Variants in MRPL3 observed in about 807,000 individuals in gnomAD.
MRPL3 encodes the protein large ribosomal subunit protein uL3m.
In MRPL3, 43 loss-of-function variants were observed where a neutral mutation model predicts 44.3. The observed-to-expected ratio is 0.97, with a 90% CI of 0.76 to 1.25. The LOEUF (loss-of-function observed/expected upper bound fraction) is 1.25, where lower values mean the gene tolerates loss of function less well. Ranked by LOEUF, MRPL3 falls within the 50% of genes most tolerant of loss-of-function variation. MRPL3 has a pLI of 0.00. For missense variants in MRPL3, 406 were observed against 427.6 expected (o/e 0.95, Z 0.45); for synonymous variants, 171 against 152.3 (o/e 1.12, Z -0.91).
intron 4 of MRPL3, among the ~76,000 whole-genome samples, chr3:131,495,930 G>A (rs1341961895): frequency 1.3e-5 from 2 of 152,106 alleles, no homozygotes; most frequent in South Asian, 2.1e-4. Context: ...TGTTCAAAAG[G>A]TGAGTATAGG....
chr3:131,482,429 G>A (rs1934011123), intron 6 of MRPL3, among the ~76,000 whole-genome samples: 2 of 151,920 alleles, frequency 1.3e-5, no homozygotes, highest in Admixed American at 1.3e-4. Flanking sequence ...GCAGGAGAAT[G>A]GCGTGAACCT....
In MRPL3 at chr3:131,490,106, T is replaced by C. The variant is rs529958409; in HGVS notation, c.469-26A>G. The C allele has an allele frequency of 1.7e-5, 25 of 1,454,950 alleles. No individual in the cohort carries two copies. In the East Asian group the frequency reaches 5.7e-4, roughly 33 times the overall value. 90.1% of individuals were successfully genotyped at this position (1,454,950 alleles called of 1,614,324 possible). On this transcript the variant is annotated intron_variant, in intron 4 of 9. Coordinates refer to ENST00000264995, the MANE Select transcript of MRPL3 (RefSeq NM_007208.4). ...CTAGAGGAAAAGCAGCACATATAAG[T>C]AATACATTGAATATTAAAAGTGGAA...
At chr3:131,481,212 A>C (rs1287860340) in intron 6 of MRPL3, among the ~76,000 whole-genome samples, 1 of 152,238 alleles carries the variant, frequency 6.6e-6, no homozygotes, top group Non-Finnish European at 1.5e-5. Flanking sequence ...GTTACATAAA[A>C]TATAAAGGCA....
At chr3:131,470,217 C>T (rs958831426) in intron 7 of MRPL3, among the ~76,000 whole-genome samples, 5 of 152,122 alleles carry the variant, frequency 3.3e-5, no homozygotes, top group African/African-American at 7.2e-5. Context: ...ATGTTACTTT[C>T]CTTGACCAAA....
rs368578959 is a variant in MRPL3 at position 131,487,433 on chromosome 3, G to C, written c.629+247C>G. On this transcript the variant is annotated intron_variant, in intron 6 of 9. Coordinates refer to ENST00000264995, the MANE Select transcript of MRPL3 (RefSeq NM_007208.4). ...CTGCACGTTGTGCACATGTACCCTA[G>C]AACTTAAAGTATAATAAAAAAAAAA... The C allele has an allele frequency of 1.1e-4, 39 of 363,934 alleles. No individual in the cohort carries two copies. In the South Asian group the frequency reaches 1.1e-3, roughly 11 times the overall value. 22.5% of individuals were successfully genotyped at this position (363,934 alleles called of 1,614,324 possible). A position where few individuals can be genotyped will look rare whatever the true frequency, so the allele number is the denominator to read the frequency against.
chr3:131,471,290 CAAACGTTAGAATTTACATAATG>C lies in MRPL3; in HGVS notation c.630-33_630-12del. The C allele has an allele frequency of 6.4e-7, 1 of 1,566,364 alleles. No homozygotes were observed. The highest frequency in any genetic ancestry group is 8.8e-7 in the Non-Finnish European group (1 of 1,136,766). ...AAACCTTTACCAATACTGAACAAAACAAACGTTAGAATTTACATAATGAAAAGAGCATAGACCATTCCCAATT... is the reference window on the plus strand; with the variant it reads ...AAACCTTTACCAATACTGAACAAAACAAAAGAGCATAGACCATTCCCAATT... On this transcript the variant is annotated splice_polypyrimidine_tract_variant and intron_variant, in intron 6 of 9. Transcript: ENST00000264995.
At chr3:131,497,929 A>T in intron 4 of MRPL3, 1 of 486,224 alleles carries the variant, frequency 2.1e-6, no homozygotes, top group Non-Finnish European at 3.6e-6. Flanking sequence ...CATTGTACAG[A>T]TATACAAGCA....
chr3:131,500,544 T>C, intron 2 of MRPL3, 23 bp from the exon 3 acceptor site: 1 of 1,596,140 alleles, frequency 6.3e-7, no homozygotes, highest in Non-Finnish European at 8.6e-7. Context: ...ACCAAAGCAA[T>C]GTGAACAAAA....
chr3:131,477,526 G>A lies in MRPL3; in HGVS notation c.630-6247C>T, dbSNP rs115864421. ...CAGTTTTTTATTATGGAAGTTTTAC[G>A]GAATATTCAGGAGCAGAGAGATTAA... On this transcript the variant is annotated intron_variant, in intron 6 of 9. Transcript: ENST00000264995. Among the ~76,000 whole-genome samples, 1,372 of 152,206 alleles carry A rather than the reference G, an allele frequency of 9.0e-3. 19 individuals carry two copies. The highest frequency in any genetic ancestry group is 0.03 in the African/African-American group (1,249 of 41,510).
intron 8 of MRPL3, among the ~76,000 whole-genome samples, chr3:131,469,282 T>G (rs965949121): frequency 6.6e-5 from 10 of 150,848 alleles, no homozygotes; most frequent in Admixed American, 6.6e-4. Flanking sequence ...ACCTGGTATA[T>G]ACCCTTCCAC....
Position 131,491,302 on chromosome 3 carries a change from T to C in MRPL3, c.469-1222A>G, listed in dbSNP as rs372132864. 1.6e-3 allele frequency among the ~76,000 whole-genome samples: 245 copies of C among 152,258 alleles called. 1 individual carries two copies. Among genetic ancestry groups the C allele is most frequent in the African/African-American group, 5.4e-3 (223 of 41,536 alleles). ...ACTGGTTGATACTCATTTTACTGAATCTACCAGCAATGCTTAACACAGGTG... is the reference window on the plus strand; with the variant it reads ...ACTGGTTGATACTCATTTTACTGAACCTACCAGCAATGCTTAACACAGGTG... On this transcript the variant is annotated intron_variant, in intron 4 of 9. Coordinates refer to ENST00000264995, the MANE Select transcript of MRPL3 (RefSeq NM_007208.4).
At chr3:131,482,470 G>A (rs376340831) in intron 6 of MRPL3, among the ~76,000 whole-genome samples, 2 of 151,178 alleles carry the variant, frequency 1.3e-5, no homozygotes, top group African/African-American at 2.4e-5. Flanking sequence ...AGCCGAGATC[G>A]TGCCACTGCA....
Position 131,502,729 on chromosome 3 carries a change from C to T in MRPL3, c.92+1G>A. ...GGTAGGACACCCTCACACCTTCCTA[C>T]CTGTTCCCCGGGCCCAGGGCAGCAC... On this transcript the variant is annotated splice_donor_variant, in intron 1 of 9. Transcript: ENST00000264995. LOFTEE classifies it high-confidence loss of function. 1 of 1,608,074 alleles carries T rather than the reference C, an allele frequency of 6.2e-7. No homozygotes were observed. The highest frequency in any genetic ancestry group is 8.5e-7 in the Non-Finnish European group (1 of 1,176,392).
intron 6 of MRPL3, chr3:131,479,179 A>G: frequency 3.9e-6 from 2 of 519,092 alleles, no homozygotes; most frequent in South Asian, 1.4e-5. Flanking sequence ...TCTTGCATAC[A>G]CTGTCCCCCC....
At chr3:131,491,301 A>G (rs1402232634) in intron 4 of MRPL3, among the ~76,000 whole-genome samples, 1 of 152,128 alleles carries the variant, frequency 6.6e-6, no homozygotes, top group African/African-American at 2.4e-5. Flanking sequence ...ATTTTACTGA[A>G]TCTACCAGCA....
chr3:131,500,493 C>T lies in MRPL3; in HGVS notation c.306G>A (p.Leu102=), dbSNP rs763981996. The T allele has an allele frequency of 6.8e-6, 11 of 1,613,748 alleles. No individual in the cohort carries two copies. Among genetic ancestry groups the T allele is most frequent in the Admixed American group, 1.7e-5 (1 of 60,006 alleles). The change falls in exon 3 of 10, where the codon TTG becomes TTA. Residue 102 remains leucine, a synonymous_variant. Transcript: ENST00000264995. Reference sequence around the variant, plus strand: ...TCCATAAAGGCATCATGCCCAGCTTCAAGGCAATAAGACCAACTCTAAAGG... The same window carrying T: ...TCCATAAAGGCATCATGCCCAGCTTTAAGGCAATAAGACCAACTCTAAAGG... ...PGSFRVGLIA[L]KLGMMPLWTK... is the part of the protein sequence containing the mutation.
intron 4 of MRPL3, among the ~76,000 whole-genome samples, chr3:131,495,538 CACA>C (rs1211649665): frequency 5.3e-5 from 8 of 151,998 alleles, no homozygotes; most frequent in South Asian, 2.1e-4. Flanking sequence ...CAAAATCCAC[CACA>C]ACATTAGAAC....
At chr3:131,485,035 ACTT>A (rs1191377322) in intron 6 of MRPL3, among the ~76,000 whole-genome samples, 1 of 152,198 alleles carries the variant, frequency 6.6e-6, no homozygotes, top group African/African-American at 2.4e-5. Flanking sequence ...GACTATCACT[ACTT>A]TAAATTCCAG....
At chr3:131,478,623 ATAC>A (rs1933908156) in intron 6 of MRPL3, among the ~76,000 whole-genome samples, 1 of 151,848 alleles carries the variant, frequency 6.6e-6, no homozygotes, top group South Asian at 2.1e-4. Flanking sequence ...AACACCCTTC[ATAC>A]TACATTGTCT....
Sources: allele counts gnomAD v4.1 joint callset (sites outside exome capture counted in the v4.1 genomes callset), GRCh38; gene constraint gnomAD v4.1.1; transcripts MANE v1.5; gene names NCBI Gene and HGNC (gene_info 2026-07-23, HGNC 2026-07-21).